LRRFIP2: variants seen among roughly 807,000 people sequenced by gnomAD.
LRRFIP2 encodes LRR binding FLII interacting protein 2, also known as leucine-rich repeat flightless-interacting protein 2.
In LRRFIP2, 109 loss-of-function variants were observed where a neutral mutation model predicts 125.9. That is an observed-to-expected ratio of 0.87 (90% CI 0.74 to 1.01). The LOEUF (loss-of-function observed/expected upper bound fraction) is 1.01. LRRFIP2 is among the 50% of genes least tolerant of loss of function. The pLI is 0.00. For synonymous variants in LRRFIP2, 291 were observed against 293.1 expected (o/e 0.99, Z 0.07); for missense variants, 850 against 862.3 (o/e 0.99, Z 0.18).
At chr3:37,081,003 G>T (rs2092594655) in intron 19 of LRRFIP2, among the ~76,000 whole-genome samples, 1 of 152,156 alleles carries the variant, frequency 6.6e-6, no homozygotes, top group Non-Finnish European at 1.5e-5. Flanking sequence ...GAAACAATGG[G>T]CTGGGCAAAG....
At chr3:37,114,795 TAA>T (rs538785576) in intron 7 of LRRFIP2, among the ~76,000 whole-genome samples, 1 of 139,092 alleles carries the variant, frequency 7.2e-6, no homozygotes, top group Non-Finnish European at 1.6e-5. Flanking sequence ...TCTTTAAAAT[TAA>T]AAAAAAAAAA....
At chr3:37,085,194 T>TA (rs2092952274) in intron 18 of LRRFIP2, among the ~76,000 whole-genome samples, 2 of 152,132 alleles carry the variant, frequency 1.3e-5, no homozygotes, top group Non-Finnish European at 2.9e-5. Context: ...GGATAGGCAA[T>TA]GGTTTTTCAG....
intron 19 of LRRFIP2, among the ~76,000 whole-genome samples, chr3:37,083,097 T>A (rs371369022): frequency 6.6e-5 from 10 of 152,204 alleles, no homozygotes; most frequent in Admixed American, 3.3e-4. Flanking sequence ...GACAATGCGT[T>A]ATATTCTCCA....
chr3:37,102,788 C>G (rs1006317824), intron 15 of LRRFIP2, 136 bp downstream of exon 15: 2 of 596,074 alleles, frequency 3.4e-6, no homozygotes, highest in African/African-American at 3.9e-5. Context: ...AAGTGTGAGC[C>G]ACCATGCCCG....
At chr3:37,117,659 C>A (rs1465956981) in intron 6 of LRRFIP2, among the ~76,000 whole-genome samples, 1 of 152,054 alleles carries the variant, frequency 6.6e-6, no homozygotes, top group Non-Finnish European at 1.5e-5. Flanking sequence ...TTTTAACTGT[C>A]AAACTTGCCT....
chr3:37,164,431 AATAT>A (rs2096424272), intron 1 of LRRFIP2, among the ~76,000 whole-genome samples: 2 of 152,208 alleles, frequency 1.3e-5, no homozygotes. Context: ...AAAATTGGTT[AATAT>A]GGCAGGGCAT....
In LRRFIP2 at chr3:37,120,213, T is replaced by C. The variant is rs1319543589; in HGVS notation, c.330+1279A>G. ...CCTCCGCCTTCCAGGTTCAAGCAAT[T>C]CTCCTGTTTCAGCCTCCCAAGTAAC... On this transcript the variant is annotated intron_variant, in intron 6 of 27. Coordinates refer to ENST00000336686, the MANE Select transcript of LRRFIP2 (RefSeq NM_006309.4). Among the ~76,000 whole-genome samples, 3 of 151,486 alleles carry C rather than the reference T, an allele frequency of 2.0e-5. 1 individual carries two copies. Among genetic ancestry groups the C allele is most frequent in the Non-Finnish European group, 4.4e-5 (3 of 67,892 alleles).
intron 1 of LRRFIP2, among the ~76,000 whole-genome samples, chr3:37,159,536 T>C (rs2096278923): frequency 6.6e-6 from 1 of 151,914 alleles, no homozygotes; most frequent in Admixed American, 6.6e-5. Context: ...TTTGACAGAG[T>C]CTCGCTGCTG....
intron 14 of LRRFIP2, among the ~76,000 whole-genome samples, chr3:37,103,870 A>T (rs1317784249): frequency 6.6e-6 from 1 of 152,240 alleles, no homozygotes; most frequent in Non-Finnish European, 1.5e-5. Flanking sequence ...GGCTTAAAAT[A>T]GTATTCCTAG....
chr3:37,103,697 T>A (rs1252882932), intron 14 of LRRFIP2, among the ~76,000 whole-genome samples: 6 of 152,110 alleles, frequency 3.9e-5, no homozygotes, highest in African/African-American at 1.4e-4. Flanking sequence ...AATCACCCCA[T>A]CCAAAGGGTA....
intron 1 of LRRFIP2, among the ~76,000 whole-genome samples, chr3:37,160,455 C>T (rs2096306418): frequency 6.6e-6 from 1 of 151,932 alleles, no homozygotes; most frequent in South Asian, 2.1e-4. Context: ...AAATTATAGC[C>T]ATGAAACAAG....
chr3:37,081,932 C>T (rs1431068107), intron 19 of LRRFIP2, among the ~76,000 whole-genome samples: 1 of 147,670 alleles, frequency 6.8e-6, no homozygotes, highest in Non-Finnish European at 1.5e-5. Flanking sequence ...AAGAAAACAA[C>T]TCTATGCATA....
chr3:37,052,875 A>AAACTC lies in LRRFIP2; in HGVS notation c.*971_*975dup, dbSNP rs2085896055. On this transcript the variant is annotated 3_prime_UTR_variant, in exon 28 of 28. Coordinates refer to ENST00000336686, the MANE Select transcript of LRRFIP2 (RefSeq NM_006309.4). ...CTTGGACAGGGTACCTCTAAAGGTGAAACTCAAGTCTTTAAAAGTTCTACA... is the reference window on the plus strand; with the variant it reads ...CTTGGACAGGGTACCTCTAAAGGTGAAACTCAACTCAAGTCTTTAAAAGTTCTACA... The AAACTC allele has an allele frequency of 2.0e-5, 3 of 152,256 alleles. No individual in the cohort carries two copies. The highest frequency in any genetic ancestry group is 4.4e-5 in the Non-Finnish European group (3 of 68,048). The allele number at this position is 152,256 out of a possible 1,614,324, so 9.4% of individuals were successfully genotyped here.
intron 14 of LRRFIP2, among the ~76,000 whole-genome samples, chr3:37,104,747 CAT>C (rs1452245897): frequency 1.3e-5 from 2 of 152,128 alleles, no homozygotes; most frequent in East Asian, 3.8e-4. Flanking sequence ...TGTATTCTAA[CAT>C]AGCTATTTGT....
At chr3:37,119,722 A>T (rs2094941855) in intron 6 of LRRFIP2, among the ~76,000 whole-genome samples, 1 of 152,040 alleles carries the variant, frequency 6.6e-6, no homozygotes, top group Non-Finnish European at 1.5e-5. Context: ...GTGCGGTGGC[A>T]CGATCTCAGC....
intron 19 of LRRFIP2, among the ~76,000 whole-genome samples, chr3:37,080,323 G>A (rs1350737707): frequency 1.3e-5 from 2 of 151,966 alleles, no homozygotes; most frequent in African/African-American, 4.8e-5. Flanking sequence ...TTGAACCCGG[G>A]AGGCAGAGGT....
intron 1 of LRRFIP2, among the ~76,000 whole-genome samples, chr3:37,171,637 T>A (rs761493348): frequency 2.0e-5 from 3 of 152,206 alleles, no homozygotes; most frequent in Non-Finnish European, 4.4e-5. Flanking sequence ...AATAGCACTC[T>A]AGTTTGCAAA....
intron 18 of LRRFIP2, among the ~76,000 whole-genome samples, chr3:37,085,590 T>A (rs571426402): frequency 6.6e-6 from 1 of 151,906 alleles, no homozygotes; most frequent in African/African-American, 2.4e-5. Context: ...TAAAACTTTT[T>A]TTTTTTTTCG....
At chr3:37,135,070 A>G (rs1050170522) in intron 2 of LRRFIP2, 2 of 1,388,844 alleles carry the variant, frequency 1.4e-6, no homozygotes, top group African/African-American at 1.4e-5. Context: ...GTACAACAGA[A>G]TATCTCGGGA....
Sources: allele counts gnomAD v4.1 joint callset (sites outside exome capture counted in the v4.1 genomes callset), GRCh38; gene constraint gnomAD v4.1.1; transcripts MANE v1.5; gene names NCBI Gene and HGNC (gene_info 2026-07-23, HGNC 2026-07-21).